GMDS: variants seen among roughly 807,000 people sequenced by gnomAD.
GMDS encodes GDP-mannose 4,6 dehydratase.
In GMDS, 20 loss-of-function variants were observed where a neutral mutation model predicts 49.9. That is an observed-to-expected ratio of 0.40 (90% CI 0.28 to 0.58). The LOEUF (loss-of-function observed/expected upper bound fraction) is 0.58, where lower values mean the gene tolerates loss of function less well. Ranked by LOEUF, GMDS falls within the 20% of genes least tolerant of loss-of-function variation. GMDS has a pLI of 0.42. For missense variants in GMDS, 362 were observed against 481.4 expected, an observed-to-expected ratio of 0.75 and a Z score of 2.32; for synonymous variants, 177 against 178.6, an observed-to-expected ratio of 0.99 and a Z score of 0.07.
intron 7 of GMDS, among the ~76,000 whole-genome samples, chr6:1,907,561 C>T (rs756544922): frequency 3.3e-5 from 5 of 152,226 alleles, no homozygotes; most frequent in Admixed American, 6.5e-5. Context: ...TATCATCTCA[C>T]TAACATAGGT....
At position 1,976,745 on chromosome 6, in the gene GMDS, T is replaced by C. The variant is rs185326898; in HGVS notation, c.346-15779A>G. The stretch of plus-strand genomic sequence containing the variant: ...TAAACATTACTTTAAAACTAGCATC[T>C]TTCTAATAGAAACAAAAGGTATTCA... On this transcript the variant is annotated intron_variant, in intron 4 of 10. Coordinates refer to ENST00000380815, the MANE Select transcript of GMDS (RefSeq NM_001500.4). Among the ~76,000 whole-genome samples the C allele has an allele frequency of 3.9e-5, 6 of 152,348 alleles. No homozygotes were observed. In the East Asian group the frequency reaches 1.2e-3, roughly 29 times the overall value.
At chr6:1,624,711 A>G in intron 9 of GMDS, 171 bp from the exon 10 acceptor site, 2 of 610,136 alleles carry the variant, frequency 3.3e-6, no homozygotes, top group Admixed American at 2.9e-5. Context: ...CGGCGCCGTA[A>G]ATCACTAGGT....
intron 1 of GMDS, among the ~76,000 whole-genome samples, chr6:2,244,038 A>T (rs1781743520): frequency 6.6e-6 from 1 of 150,758 alleles, no homozygotes. Flanking sequence ...CATTTTTTAA[A>T]TTTTTTTGTA....
chr6:2,098,212 C>A (rs1364604007), intron 4 of GMDS, among the ~76,000 whole-genome samples: 10 of 152,144 alleles, frequency 6.6e-5, no homozygotes, highest in Non-Finnish European at 1.2e-4. Context: ...GTGCCCACCA[C>A]CACACCCGGC....
At chr6:1,928,817 A>C (rs1446562914) in intron 7 of GMDS, among the ~76,000 whole-genome samples, 2 of 152,024 alleles carry the variant, frequency 1.3e-5, no homozygotes, top group Non-Finnish European at 2.9e-5. Context: ...AAAAAAACAA[A>C]AATTAGTCGG....
chr6:1,774,230 A>G (rs1768702869), intron 7 of GMDS, among the ~76,000 whole-genome samples: 1 of 152,198 alleles, frequency 6.6e-6, no homozygotes, highest in African/African-American at 2.4e-5. Flanking sequence ...AGGACAGTAT[A>G]TTATCTGGTG....
chr6:1,990,512 TATTCTTA>T (rs1197036794), intron 4 of GMDS, among the ~76,000 whole-genome samples: 1 of 152,232 alleles, frequency 6.6e-6, no homozygotes, highest in Non-Finnish European at 1.5e-5. Context: ...AATTAACCTG[TATTCTTA>T]CTAATACATA....
intron 7 of GMDS, among the ~76,000 whole-genome samples, chr6:1,880,343 A>C (rs956925378): frequency 4.0e-5 from 6 of 149,534 alleles, no homozygotes; most frequent in African/African-American, 1.2e-4. Flanking sequence ...TTGTTGCCCC[A>C]GCTACTCAGG....
chr6:1,781,514 G>A (rs1190711560), intron 7 of GMDS, among the ~76,000 whole-genome samples: 1 of 152,202 alleles, frequency 6.6e-6, no homozygotes, highest in African/African-American at 2.4e-5. Context: ...TGGGCCTGAT[G>A]AGCTTGAGTG....
rs5873811 is a variant in GMDS at position 1,743,542 on chromosome 6, C to CA, written c.772-957dup. ...TGGACGACAGAACCAGACTCCATCT[C>CA]AAAAAAAAAAAAAAAAAATGGATGT... On this transcript the variant is annotated intron_variant, in intron 7 of 10. Transcript: ENST00000380815. Among the ~76,000 whole-genome samples the CA allele has an allele frequency of 9.4e-3, 1,098 of 117,222 alleles. 9 individuals carry two copies. Among genetic ancestry groups the CA allele is most frequent in the African/African-American group, 0.03 (869 of 29,324 alleles). 76.9% of individuals were successfully genotyped at this position (117,222 alleles called of 152,430 possible).
chr6:2,231,243 T>A (rs565273051), intron 1 of GMDS, among the ~76,000 whole-genome samples: 1 of 152,024 alleles, frequency 6.6e-6, no homozygotes. Context: ...GTTCTGCTAG[T>A]ATATTCTTTG....
chr6:2,001,194 T>C (rs964433651), intron 4 of GMDS, among the ~76,000 whole-genome samples: 1 of 152,208 alleles, frequency 6.6e-6, no homozygotes, highest in Non-Finnish European at 1.5e-5. Flanking sequence ...ATAATAGATA[T>C]GGACTGGTAT....
rs1768366371 is a variant in GMDS, at chr6:1,766,628, C to T, written c.772-24042G>A. 2.0e-5 allele frequency among the ~76,000 whole-genome samples: 3 copies of T among 152,218 alleles called. No individual in the cohort carries two copies. The highest frequency in any genetic ancestry group is 4.4e-5 in the Non-Finnish European group (3 of 68,042). ...CTCCGGAGCCCAGGGAAGCTCACCTCAGGCAGCCTGCAGAGGCTCTCCCCT... is the reference window on the plus strand; with the variant it reads ...CTCCGGAGCCCAGGGAAGCTCACCTTAGGCAGCCTGCAGAGGCTCTCCCCT... On this transcript the variant is annotated intron_variant, in intron 7 of 10. Coordinates refer to ENST00000380815, the MANE Select transcript of GMDS (RefSeq NM_001500.4). This position sits in a 1 kb window ranked among gnomAD's most constrained non-coding sequence, Gnocchi z 4.5.
intron 9 of GMDS, among the ~76,000 whole-genome samples, chr6:1,655,851 G>A (rs1278094139): frequency 6.6e-6 from 1 of 152,172 alleles, no homozygotes; most frequent in African/African-American, 2.4e-5. Context: ...AGCATGATGA[G>A]CCTGCGGATA....
intron 7 of GMDS, among the ~76,000 whole-genome samples, chr6:1,838,956 C>A (rs1017233715): frequency 1.3e-5 from 2 of 152,158 alleles, no homozygotes; most frequent in African/African-American, 4.8e-5. Context: ...TGTAAGGATG[C>A]TGAACTTGAG....
intron 7 of GMDS, among the ~76,000 whole-genome samples, chr6:1,755,549 A>AC (rs974417521): frequency 1.3e-5 from 2 of 151,946 alleles, no homozygotes; most frequent in Non-Finnish European, 2.9e-5. Context: ...GGAACCAAAA[A>AC]AATGCCCGTA....
intron 7 of GMDS, among the ~76,000 whole-genome samples, chr6:1,818,369 A>G (rs1410798948): frequency 2.0e-5 from 3 of 152,136 alleles, no homozygotes; most frequent in African/African-American, 4.8e-5. Flanking sequence ...GCACTTTGGG[A>G]GGCCGAGGCG....
chr6:2,185,359 C>T (rs187413319), intron 1 of GMDS, among the ~76,000 whole-genome samples: 1 of 152,186 alleles, frequency 6.6e-6, no homozygotes, highest in Non-Finnish European at 1.5e-5. Flanking sequence ...CTCATGTACA[C>T]CACCATTTCT....
At chr6:1,642,461 AC>A (rs1763360202) in intron 9 of GMDS, among the ~76,000 whole-genome samples, 1 of 151,744 alleles carries the variant, frequency 6.6e-6, no homozygotes, top group Non-Finnish European at 1.5e-5. Context: ...GAGCCACCAC[AC>A]CCGGCCAGTT....
Sources: allele counts gnomAD v4.1 joint callset (sites outside exome capture counted in the v4.1 genomes callset), GRCh38; gene constraint gnomAD v4.1.1; non-coding constraint Gnocchi (gnomAD v3.1); transcripts MANE v1.5; gene names NCBI Gene and HGNC (gene_info 2026-07-23, HGNC 2026-07-21).